PPP1R16B: variants seen among roughly 807,000 people sequenced by gnomAD.
The protein encoded by PPP1R16B is protein phosphatase 1 regulatory inhibitor subunit 16B.
PPP1R16B carries 14 observed loss-of-function variants against 61.7 expected under a neutral mutation model. That is an observed-to-expected ratio of 0.23 (90% CI 0.15 to 0.35). The LOEUF (loss-of-function observed/expected upper bound fraction) is 0.35, where lower values mean the gene tolerates loss of function less well. Ranked by LOEUF, PPP1R16B falls within the 10% of genes least tolerant of loss-of-function variation. PPP1R16B has a pLI of 1.00. For synonymous variants in PPP1R16B, 266 were observed against 305.3 expected (o/e 0.87, Z 1.34); for missense variants, 547 against 752.5 (o/e 0.73, Z 3.19).
At chr20:38,897,999 C>G (rs943522058) in intron 4 of PPP1R16B, among the ~76,000 whole-genome samples, 1 of 152,154 alleles carries the variant, frequency 6.6e-6, no homozygotes, top group Admixed American at 6.5e-5. Context: ...GGAGATGAAT[C>G]CCTTATCAGA....
intron 1 of PPP1R16B, among the ~76,000 whole-genome samples, chr20:38,827,056 C>G (rs760882044): frequency 2.0e-5 from 3 of 151,938 alleles, no homozygotes; most frequent in Non-Finnish European, 4.4e-5. Flanking sequence ...CTCAAGTGAT[C>G]CTCCCACCTC....
rs184349079 is a variant in PPP1R16B at position 38,850,900 on chromosome 20, G to A, written c.250+14725G>A. Among the ~76,000 whole-genome samples the A allele has an allele frequency of 6.3e-3, 953 of 151,780 alleles. 11 individuals carry two copies. Among genetic ancestry groups the A allele is most frequent in the African/African-American group, 0.022 (890 of 41,322 alleles). ...AAAGAATTGCTTGAACACGGGAGGT[G>A]GAGGTTGCAGTGAGCCGAGATCATG... On this transcript the variant is annotated intron_variant, in intron 2 of 10. Coordinates refer to ENST00000299824, the MANE Select transcript of PPP1R16B (RefSeq NM_015568.4).
intron 1 of PPP1R16B, among the ~76,000 whole-genome samples, chr20:38,830,907 A>G (rs1245732099): frequency 6.6e-6 from 1 of 152,192 alleles, no homozygotes; most frequent in African/African-American, 2.4e-5. Context: ...GATTGGTACC[A>G]TTACTCTTTA....
chr20:38,862,343 C>T (rs1315819443), intron 2 of PPP1R16B, among the ~76,000 whole-genome samples: 1 of 152,152 alleles, frequency 6.6e-6, no homozygotes, highest in Non-Finnish European at 1.5e-5. Context: ...GCGGAGGATA[C>T]TATTATACAC....
chr20:38,808,155 C>T (rs540257288), intron 1 of PPP1R16B, among the ~76,000 whole-genome samples: 4 of 152,332 alleles, frequency 2.6e-5, no homozygotes, highest in East Asian at 3.9e-4. Flanking sequence ...GTGATGGCCT[C>T]ACAGAATCCT....
At chr20:38,807,307 A>G (rs1470684138) in intron 1 of PPP1R16B, among the ~76,000 whole-genome samples, 1 of 152,206 alleles carries the variant, frequency 6.6e-6, no homozygotes, top group Non-Finnish European at 1.5e-5. Flanking sequence ...TGGAGTCTCA[A>G]CTGCCTCTAA....
chr20:38,854,436 A>G (rs1260385042), intron 2 of PPP1R16B, among the ~76,000 whole-genome samples: 1 of 152,244 alleles, frequency 6.6e-6, no homozygotes, highest in Non-Finnish European at 1.5e-5. Flanking sequence ...ACAGGAGTAG[A>G]AAAATAATCA....
At chr20:38,817,476 A>G (rs535656373) in intron 1 of PPP1R16B, among the ~76,000 whole-genome samples, 1 of 151,890 alleles carries the variant, frequency 6.6e-6, no homozygotes, top group East Asian at 1.9e-4. Flanking sequence ...GAGGCAAGAG[A>G]ATCACTTGAA....
chr20:38,873,423 C>T (rs1281030211), intron 2 of PPP1R16B, among the ~76,000 whole-genome samples: 4 of 152,102 alleles, frequency 2.6e-5, no homozygotes, highest in East Asian at 3.9e-4. Flanking sequence ...ATGTATGCTG[C>T]GTAACAAATC....
At chr20:38,807,322 C>A (rs1452945130) in intron 1 of PPP1R16B, among the ~76,000 whole-genome samples, 1 of 152,190 alleles carries the variant, frequency 6.6e-6, no homozygotes, top group Non-Finnish European at 1.5e-5. Context: ...CTCTAAGATA[C>A]GGGGCTAACA....
At chr20:38,916,936 TA>T (rs1325204736) in intron 10 of PPP1R16B, among the ~76,000 whole-genome samples, 2 of 151,886 alleles carry the variant, frequency 1.3e-5, no homozygotes, top group Admixed American at 6.5e-5. Flanking sequence ...TATATCTATA[TA>T]TTTTGCTGTG....
chr20:38,823,042 G>A (rs985340467), intron 1 of PPP1R16B, among the ~76,000 whole-genome samples: 3 of 152,152 alleles, frequency 2.0e-5, no homozygotes, highest in Non-Finnish European at 2.9e-5. Flanking sequence ...TTGGAGTTCT[G>A]TATACCCAAG....
Position 38,896,005 on chromosome 20 carries a change from TCCCC to T in PPP1R16B, c.467+298_467+301del, listed in dbSNP as rs1384723459. Reference sequence around the variant, plus strand: ...CTCCTTCCTTCTTTCTCTCCTCCCTTCCCCCCTTCCTTCTTTCTTTCCTCTCTTC... The same window carrying T: ...CTCCTTCCTTCTTTCTCTCCTCCCTTCCTTCCTTCTTTCTTTCCTCTCTTC... On this transcript the variant is annotated intron_variant, in intron 4 of 10. Coordinates refer to ENST00000299824, the MANE Select transcript of PPP1R16B (RefSeq NM_015568.4). Among the ~76,000 whole-genome samples, 6 of 120,850 alleles carry T rather than the reference TCCCC, an allele frequency of 5.0e-5. 1 individual carries two copies. Among genetic ancestry groups the T allele is most frequent in the Admixed American group, 1.6e-4 (2 of 12,448 alleles). The allele number at this position is 120,850 out of a possible 152,430, so 79.3% of individuals were successfully genotyped here.
intron 2 of PPP1R16B, among the ~76,000 whole-genome samples, chr20:38,853,357 G>A (rs1348769860): frequency 3.3e-5 from 5 of 152,228 alleles, no homozygotes; most frequent in South Asian, 2.1e-4. Context: ...TGCATGCAGA[G>A]CAGAGGTGAA....
chr20:38,868,629 C>T (rs555871829), intron 2 of PPP1R16B, among the ~76,000 whole-genome samples: 4 of 152,224 alleles, frequency 2.6e-5, no homozygotes, highest in African/African-American at 7.2e-5. Context: ...GTGATCCTCC[C>T]GCCTCAGCCT....
chr20:38,864,545 T>C (rs2085077175), intron 2 of PPP1R16B, among the ~76,000 whole-genome samples: 1 of 152,154 alleles, frequency 6.6e-6, no homozygotes, highest in Non-Finnish European at 1.5e-5. Context: ...TGAAGTAACA[T>C]GGCCAGTCAC....
chr20:38,852,485 G>A (rs2084975532), intron 2 of PPP1R16B, among the ~76,000 whole-genome samples: 1 of 152,156 alleles, frequency 6.6e-6, no homozygotes, highest in African/African-American at 2.4e-5. Context: ...GATCACCAAG[G>A]TGATACCATC....
chr20:38,861,611 G>GCAT (rs373049485), intron 2 of PPP1R16B, among the ~76,000 whole-genome samples: 27 of 151,406 alleles, frequency 1.8e-4, no homozygotes, highest in African/African-American at 6.1e-4. Flanking sequence ...CAGCCAGCCT[G>GCAT]CATCAATCTG....
intron 6 of PPP1R16B, among the ~76,000 whole-genome samples, chr20:38,903,128 G>A (rs965393755): frequency 1.3e-5 from 2 of 152,164 alleles, no homozygotes; most frequent in East Asian, 3.8e-4. Flanking sequence ...GAAAGACTTT[G>A]TCTTTAATAA....
Sources: allele counts gnomAD v4.1 joint callset (sites outside exome capture counted in the v4.1 genomes callset), GRCh38; gene constraint gnomAD v4.1.1; transcripts MANE v1.5; gene names NCBI Gene and HGNC (gene_info 2026-07-23, HGNC 2026-07-21).